OTOGL: variants seen among roughly 807,000 people sequenced by gnomAD.
The protein encoded by OTOGL is otogelin like.
Under a neutral mutation model 318.5 loss-of-function variants are expected in OTOGL, and 285 were observed. The observed-to-expected ratio is 0.89, with a 90% CI of 0.81 to 0.99. OTOGL has a LOEUF of 0.99. OTOGL is among the 50% of genes least tolerant of loss of function. The pLI, the probability that OTOGL is intolerant of heterozygous loss-of-function variation, is 0.00. For missense variants in OTOGL, 2,899 were observed against 2,845.6 expected (o/e 1.02, Z -0.43); for synonymous variants, 987 against 936.5 (o/e 1.05, Z -0.99).
intron 14 of OTOGL, among the ~76,000 whole-genome samples, chr12:80,254,111 T>C (rs1396426627): frequency 6.6e-6 from 1 of 152,134 alleles, no homozygotes; most frequent in South Asian, 2.1e-4. Flanking sequence ...CATTCTCAGA[T>C]GCTGATTCTG....
chr12:80,178,565 T>C (rs1170148498), intron 1 of OTOGL, among the ~76,000 whole-genome samples: 1 of 152,054 alleles, frequency 6.6e-6, no homozygotes, highest in African/African-American at 2.4e-5. Context: ...CTCCTTAACT[T>C]AGAGAGATTA....
At chr12:80,257,389 T>C (rs1414059432) in intron 17 of OTOGL, among the ~76,000 whole-genome samples, 2 of 149,510 alleles carry the variant, frequency 1.3e-5, no homozygotes, top group East Asian at 2.0e-4. Context: ...TGGACAAGAG[T>C]TAGGATGTTA....
At chr12:80,360,021 C>A (rs1890140194) in intron 52 of OTOGL, among the ~76,000 whole-genome samples, 1 of 152,150 alleles carries the variant, frequency 6.6e-6, no homozygotes, top group Non-Finnish European at 1.5e-5. Context: ...ATTCCTTATT[C>A]TTTCTACTTT....
At chr12:80,152,648 T>C (rs1229899060) in intron 1 of OTOGL, among the ~76,000 whole-genome samples, 1 of 152,196 alleles carries the variant, frequency 6.6e-6, no homozygotes, top group Non-Finnish European at 1.5e-5. Context: ...CAATCGCCTG[T>C]TGCAAAAATC....
At chr12:80,362,016 G>T (rs991311861) in intron 52 of OTOGL, among the ~76,000 whole-genome samples, 9 of 151,836 alleles carry the variant, frequency 5.9e-5, no homozygotes, top group African/African-American at 2.2e-4. Flanking sequence ...TTCTTTTGTT[G>T]TCTCTACATT....
chr12:80,255,027 T>C lies in OTOGL; in HGVS notation c.1442-13T>C, dbSNP rs1881906644. ...CCTTTTCTTTTTCTTTGTTTTCTTT[T>C]TTTTTTTGGCAGTTCAATGCTCAGT... On this transcript the variant is annotated splice_polypyrimidine_tract_variant and intron_variant, in intron 15 of 58. Transcript: ENST00000547103. 2.1e-6 allele frequency: 3 copies of C among 1,435,450 alleles called. No individual in the cohort carries two copies. The highest frequency in any genetic ancestry group is 1.8e-6 in the Non-Finnish European group (2 of 1,097,374). 88.9% of individuals were successfully genotyped at this position (1,435,450 alleles called of 1,614,324 possible).
Position 80,339,217 on chromosome 12 carries a change from A to G in OTOGL, c.5003A>G (p.His1668Arg), listed in dbSNP as rs768513125. Residue 1668 changes from histidine (H) to arginine (R), a missense_variant, in exon 43 of 59, where the codon CAT becomes CGT. This residue lies in a region of OTOGL where 2,607 missense variants were observed against 2,524.9 expected (regional missense o/e 1.03). Transcript: ENST00000547103. The stretch of plus-strand genomic sequence containing the variant: ...CATCTTACAGGAATCATAGACATTC[A>G]TTTTGGCTTCCGATTTAACTTGTCA... ...WSHLTGIIDI[H>R]FGFRFNLSSY... 32 of 1,601,708 alleles carry G rather than the reference A, an allele frequency of 2.0e-5. No individual in the cohort carries two copies. In the Admixed American group the frequency reaches 5.2e-4, roughly 26 times the overall value.
At chr12:80,154,934 C>T (rs150601823) in intron 1 of OTOGL, among the ~76,000 whole-genome samples, 57 of 152,302 alleles carry the variant, frequency 3.7e-4, no homozygotes, top group Admixed American at 6.5e-4. Flanking sequence ...CACATCCTTG[C>T]CAGCATTTGA....
At chr12:80,148,959 T>A (rs10862071) in intron 1 of OTOGL, among the ~76,000 whole-genome samples, 85,827 of 151,850 alleles carry the variant, frequency 0.57, 25,543 homozygotes, top group African/African-American at 0.77. Context: ...ATTATTCTAA[T>A]TTTTTTTCAA....
chr12:80,101,330 T>C (rs925005290), intron 1 of OTOGL, among the ~76,000 whole-genome samples: 1 of 152,164 alleles, frequency 6.6e-6, no homozygotes, highest in African/African-American at 2.4e-5. Flanking sequence ...TCCAGTTTTT[T>C]AGTACAAAGA....
At chr12:80,239,004 C>A in intron 10 of OTOGL, 26 bp downstream of exon 10, 1 of 1,583,960 alleles carries the variant, frequency 6.3e-7, no homozygotes, top group Non-Finnish European at 8.5e-7. Context: ...GAAATGTGGG[C>A]ATGTCAGACA....
At chr12:80,174,606 G>T (rs545654064) in intron 1 of OTOGL, among the ~76,000 whole-genome samples, 124 of 152,270 alleles carry the variant, frequency 8.1e-4, no homozygotes, top group African/African-American at 2.9e-3. Flanking sequence ...TATTGTAAAA[G>T]AAATTCTGTG....
At chr12:80,226,631 T>A (rs1878884021) in intron 7 of OTOGL, among the ~76,000 whole-genome samples, 1 of 152,156 alleles carries the variant, frequency 6.6e-6, no homozygotes, top group Non-Finnish European at 1.5e-5. Flanking sequence ...AATTTTATTC[T>A]TCTCTCTCAC....
In OTOGL at chr12:80,261,950, C is replaced by T; in HGVS notation, c.1890-19C>T. ...TGAATGAGAGATACATGAAGATGAG[C>T]ATTGTCTTTGCTTTCTAGTTCTCCA... On this transcript the variant is annotated intron_variant, in intron 18 of 58. Coordinates refer to ENST00000547103, the MANE Select transcript of OTOGL (RefSeq NM_001378609.3). The T allele has an allele frequency of 2.5e-6, 4 of 1,607,218 alleles. No individual in the cohort carries two copies. The highest frequency in any genetic ancestry group is 3.4e-6 in the Non-Finnish European group (4 of 1,176,170).
At chr12:80,157,775 A>G (rs1873224466) in intron 1 of OTOGL, among the ~76,000 whole-genome samples, 1 of 151,858 alleles carries the variant, frequency 6.6e-6, no homozygotes. Context: ...ATTCTGTTCT[A>G]TTGGTCTGTG....
chr12:80,181,978 A>T (rs1874955415), intron 1 of OTOGL, among the ~76,000 whole-genome samples: 1 of 152,072 alleles, frequency 6.6e-6, no homozygotes, highest in Admixed American at 6.6e-5. Flanking sequence ...AGTCTAGGCA[A>T]CATAGTGAAA....
In OTOGL at chr12:80,318,583, G is replaced by T; in HGVS notation, c.3672G>T (p.Gly1224=). The change falls in exon 33 of 59, where the codon GGG becomes GGT. Residue 1224 remains glycine, a synonymous_variant. Coordinates refer to ENST00000547103, the MANE Select transcript of OTOGL (RefSeq NM_001378609.3). The part of the protein sequence containing the change: ...GEGPYMLASY[G]QSGLVLGANM... The stretch of plus-strand genomic sequence containing the variant: ...GACCATATATGCTGGCAAGCTATGG[G>T]CAGAGTGGCCTTGTTCTGGGGGCCA... The T allele has an allele frequency of 7.0e-7, 1 of 1,422,700 alleles. No homozygotes were observed. Among genetic ancestry groups the T allele is most frequent in the Non-Finnish European group, 9.2e-7 (1 of 1,087,984 alleles). 88.1% of individuals were successfully genotyped at this position (1,422,700 alleles called of 1,614,324 possible). A position where few individuals can be genotyped will look rare whatever the true frequency, so the allele number is the denominator to read the frequency against.
chr12:80,229,177 T>A, intron 7 of OTOGL, 80 bp from the exon 8 acceptor site: 3 of 1,466,216 alleles, frequency 2.0e-6, no homozygotes, highest in Non-Finnish European at 1.9e-6. Flanking sequence ...AACTATATGA[T>A]TGTAAACATA....
rs773281541 is a variant in OTOGL, at chr12:80,239,314, G to C, written c.946-19G>C. ...TACCATGAAACATAGTCTAGTGACT[G>C]CCATCTTTTTTTGCACAGGCAATCT... On this transcript the variant is annotated intron_variant, in intron 10 of 58. Coordinates refer to ENST00000547103, the MANE Select transcript of OTOGL (RefSeq NM_001378609.3). The C allele has an allele frequency of 3.4e-5, 52 of 1,535,224 alleles. No homozygotes were observed. The highest frequency in any genetic ancestry group is 4.6e-5 in the Non-Finnish European group (51 of 1,117,084).
Sources: allele counts gnomAD v4.1 joint callset (sites outside exome capture counted in the v4.1 genomes callset), GRCh38; gene constraint gnomAD v4.1.1; regional missense constraint gnomAD v4.1.1; transcripts MANE v1.5; gene names NCBI Gene and HGNC (gene_info 2026-07-23, HGNC 2026-07-21).